The following SLC9A9 variants were observed in gnomAD, a reference collection of about 807,000 sequenced individuals.
SLC9A9 encodes the protein solute carrier family 9 member A9.
Under a neutral mutation model 77.8 loss-of-function variants are expected in SLC9A9, and 62 were observed. The observed-to-expected ratio is 0.80, with a 90% CI of 0.65 to 0.98. The LOEUF is 0.98. Among genes scored for constraint, SLC9A9 ranks in the 50% least tolerant of loss-of-function variants. The pLI, the probability that SLC9A9 is intolerant of heterozygous loss-of-function variation, is 0.00. For synonymous variants in SLC9A9, 320 were observed against 283.5 expected (o/e 1.13, Z -1.29); for missense variants, 775 against 774.9 (o/e 1.00, Z 0.00).
chr3:143,307,518 G>A (rs1229316123), intron 14 of SLC9A9, among the ~76,000 whole-genome samples: 1 of 152,208 alleles, frequency 6.6e-6, no homozygotes, highest in Non-Finnish European at 1.5e-5. Flanking sequence ...AGGTCACAGA[G>A]TAAGCTGTAG....
intron 12 of SLC9A9, among the ~76,000 whole-genome samples, chr3:143,400,343 A>G (rs2033825380): frequency 6.6e-6 from 1 of 152,200 alleles, no homozygotes; most frequent in African/African-American, 2.4e-5. Flanking sequence ...TTCATGCTCT[A>G]CTACTCAGCC....
intron 12 of SLC9A9, among the ~76,000 whole-genome samples, chr3:143,390,728 T>G (rs2033541827): frequency 6.6e-6 from 1 of 152,202 alleles, no homozygotes; most frequent in Admixed American, 6.5e-5. Context: ...AGACAGCACC[T>G]GGAAAATTGG....
intron 5 of SLC9A9, among the ~76,000 whole-genome samples, chr3:143,652,967 G>T (rs2038825754): frequency 6.6e-6 from 1 of 152,138 alleles, no homozygotes. Context: ...AAAGGACTGG[G>T]AGCTCCCTGG....
chr3:143,432,953 G>A (rs1205886812), intron 12 of SLC9A9, among the ~76,000 whole-genome samples: 6 of 152,172 alleles, frequency 3.9e-5, no homozygotes, highest in Non-Finnish European at 5.9e-5. Context: ...TCCAACTGAA[G>A]GCATTTCTTA....
intron 6 of SLC9A9, among the ~76,000 whole-genome samples, chr3:143,579,704 T>C (rs1374567632): frequency 1.3e-5 from 2 of 152,170 alleles, no homozygotes; most frequent in East Asian, 1.9e-4. Context: ...ACTCCAAAAG[T>C]AGCAGTGTGG....
intron 12 of SLC9A9, among the ~76,000 whole-genome samples, chr3:143,388,766 C>G (rs2033486733): frequency 6.6e-6 from 1 of 152,074 alleles, no homozygotes; most frequent in South Asian, 2.1e-4. Flanking sequence ...ATCAATGACC[C>G]AAGATCTAAT....
chr3:143,443,794 A>G (rs911475409), intron 12 of SLC9A9, among the ~76,000 whole-genome samples: 19 of 152,220 alleles, frequency 1.2e-4, no homozygotes, highest in African/African-American at 4.1e-4. Context: ...AGCTCTAATG[A>G]AGGCAAAAGT....
At chr3:143,488,394 C>T (rs576262086) in intron 11 of SLC9A9, among the ~76,000 whole-genome samples, 1 of 152,082 alleles carries the variant, frequency 6.6e-6, no homozygotes, top group South Asian at 2.1e-4. Context: ...CAATTCTTAT[C>T]TCATTCCATA....
intron 9 of SLC9A9, among the ~76,000 whole-genome samples, chr3:143,548,550 A>G (rs2036827596): frequency 6.6e-6 from 1 of 152,224 alleles, no homozygotes; most frequent in South Asian, 2.1e-4. Context: ...AAAGAACTCC[A>G]AGTCCAGGGA....
At chr3:143,677,111 T>C (rs1269398399) in intron 5 of SLC9A9, among the ~76,000 whole-genome samples, 3 of 152,144 alleles carry the variant, frequency 2.0e-5, no homozygotes, top group African/African-American at 7.2e-5. Context: ...ACAAACCAAA[T>C]ATTTTTATCC....
chr3:143,556,157 T>C (rs1343381844), intron 8 of SLC9A9, among the ~76,000 whole-genome samples: 1 of 152,222 alleles, frequency 6.6e-6, no homozygotes, highest in Non-Finnish European at 1.5e-5. Context: ...TGTTTTTATA[T>C]ACCCATGCCT....
chr3:143,495,388 G>A lies in SLC9A9; in HGVS notation c.1150C>T (p.Leu384=), dbSNP rs988349435. Residue 384 remains leucine (L), a synonymous_variant, in exon 10 of 16, where the codon CTG becomes TTG. Transcript: ENST00000316549. The part of the protein sequence containing the change: ...NVIFCYMGLA[L]FTFQNHIFNA... ...AAGATATGATTCTGGAACGTGAACA[G>A]TGCCAGGCCCATGTAACAGAAGATG... is the stretch of plus-strand genomic sequence containing the variant. 1.4e-5 allele frequency: 22 copies of A among 1,614,166 alleles called. No individual in the cohort carries two copies. The highest frequency in any genetic ancestry group is 3.3e-4 in the Middle Eastern group (2 of 6,062).
chr3:143,330,520 C>T (rs139698202), intron 14 of SLC9A9, among the ~76,000 whole-genome samples: 4,287 of 152,264 alleles, frequency 0.028, 76 homozygotes, highest in South Asian at 0.039. Context: ...GAGAGTGTCT[C>T]TTTAACCAAA....
At position 143,610,201 on chromosome 3, in the gene SLC9A9, T is replaced by C. The variant is rs1045400131; in HGVS notation, c.756-31478A>G. 2.6e-5 allele frequency among the ~76,000 whole-genome samples: 4 copies of C among 152,108 alleles called. No individual in the cohort carries two copies. The East Asian group carries it at 5.8e-4, about 22-fold the overall frequency. Reference sequence around the variant, plus strand: ...TCTCTCTCTGTCACCCAGCCTGGAGTGCAGTGAGGCAATCATGGCTCACTG... The same window carrying C: ...TCTCTCTCTGTCACCCAGCCTGGAGCGCAGTGAGGCAATCATGGCTCACTG... On this transcript the variant is annotated intron_variant, in intron 6 of 15. Transcript: ENST00000316549.
chr3:143,429,983 G>T (rs922647326), intron 12 of SLC9A9, among the ~76,000 whole-genome samples: 1 of 152,166 alleles, frequency 6.6e-6, no homozygotes, highest in African/African-American at 2.4e-5. Flanking sequence ...ATCATGAATG[G>T]CAGAGCTAGA....
chr3:143,804,038 C>G (rs1475932951), intron 2 of SLC9A9, among the ~76,000 whole-genome samples: 2 of 152,136 alleles, frequency 1.3e-5, no homozygotes, highest in Non-Finnish European at 2.9e-5. Context: ...ACACAAACTA[C>G]TATTCCTGTG....
chr3:143,360,652 G>C (rs546728678), intron 14 of SLC9A9, among the ~76,000 whole-genome samples: 5 of 152,304 alleles, frequency 3.3e-5, no homozygotes, highest in African/African-American at 1.2e-4. Context: ...GGAAAGGTAT[G>C]TATGTACTAC....
chr3:143,724,736 G>A (rs776964225), intron 4 of SLC9A9, among the ~76,000 whole-genome samples: 13 of 152,300 alleles, frequency 8.5e-5, no homozygotes, highest in Non-Finnish European at 1.3e-4. Flanking sequence ...TGTTAAACAC[G>A]AAAACAATTA....
At chr3:143,550,371 C>G (rs544537426) in intron 9 of SLC9A9, among the ~76,000 whole-genome samples, 135 of 152,290 alleles carry the variant, frequency 8.9e-4, no homozygotes, top group Middle Eastern at 3.4e-3. Flanking sequence ...AATTCTCCAT[C>G]ATTGCCTATG....
Sources: allele counts gnomAD v4.1 joint callset (sites outside exome capture counted in the v4.1 genomes callset), GRCh38; gene constraint gnomAD v4.1.1; transcripts MANE v1.5; gene names NCBI Gene and HGNC (gene_info 2026-07-23, HGNC 2026-07-21).